PLPP3: variants seen among roughly 807,000 people sequenced by gnomAD.
The protein encoded by PLPP3 is PAP2 beta.
In PLPP3, 6 loss-of-function variants were observed where a neutral mutation model predicts 29.6. The observed-to-expected ratio is 0.20, with a 90% CI of 0.11 to 0.40. PLPP3 has a LOEUF of 0.40. Ranked by LOEUF, PLPP3 falls within the 10% of genes least tolerant of loss-of-function variation. The pLI is 1.00. For missense variants in PLPP3, 308 were observed against 407.7 expected (o/e 0.76, Z 2.11); for synonymous variants, 152 against 159.7 (o/e 0.95, Z 0.36).
intron 1 of PLPP3, among the ~76,000 whole-genome samples, chr1:56,560,642 T>C (rs893464816): frequency 6.6e-6 from 1 of 152,118 alleles, no homozygotes; most frequent in African/African-American, 2.4e-5. Flanking sequence ...CCTCATGACC[T>C]AATTACCTCT....
chr1:56,505,684 T>G (rs1374897516), intron 5 of PLPP3, among the ~76,000 whole-genome samples: 1 of 152,238 alleles, frequency 6.6e-6, no homozygotes, highest in Non-Finnish European at 1.5e-5. Context: ...TAGCTTACTT[T>G]ATTGTAAGAA....
intron 5 of PLPP3, among the ~76,000 whole-genome samples, chr1:56,509,364 G>A (rs1645724949): frequency 6.6e-6 from 1 of 152,174 alleles, no homozygotes; most frequent in Non-Finnish European, 1.5e-5. Context: ...CGGGTTAACT[G>A]CAGGGCCTTC....
intron 1 of PLPP3, among the ~76,000 whole-genome samples, chr1:56,540,725 G>A (rs1336400527): frequency 1.3e-5 from 2 of 152,100 alleles, no homozygotes; most frequent in Admixed American, 6.5e-5. Flanking sequence ...GGTGATGCCA[G>A]TCAAATCTTG....
At chr1:56,576,878 T>A (rs886069223) in intron 1 of PLPP3, among the ~76,000 whole-genome samples, 3 of 152,198 alleles carry the variant, frequency 2.0e-5, no homozygotes, top group Non-Finnish European at 4.4e-5. Context: ...GGTTTTTACA[T>A]CCCTGGCTAA....
chr1:56,578,013 A>G (rs929627800), intron 1 of PLPP3, among the ~76,000 whole-genome samples: 18 of 151,736 alleles, frequency 1.2e-4, no homozygotes, highest in African/African-American at 4.4e-4. Flanking sequence ...CCGAGTTCAT[A>G]AATCCTCCTC....
At chr1:56,544,383 C>G (rs1041152557) in intron 1 of PLPP3, among the ~76,000 whole-genome samples, 3 of 152,136 alleles carry the variant, frequency 2.0e-5, no homozygotes, top group Non-Finnish European at 4.4e-5. Context: ...TCTAGTGAAA[C>G]ACAACTACCA....
intron 4 of PLPP3, among the ~76,000 whole-genome samples, chr1:56,515,108 G>A (rs1389899678): frequency 6.6e-6 from 1 of 152,170 alleles, no homozygotes; most frequent in Non-Finnish European, 1.5e-5. Context: ...ATTTTAATCA[G>A]GAAAACCTCC....
chr1:56,506,118 C>A (rs977435011), intron 5 of PLPP3, among the ~76,000 whole-genome samples: 5 of 152,242 alleles, frequency 3.3e-5, no homozygotes, highest in Admixed American at 2.6e-4. Flanking sequence ...GCCCAGGCAG[C>A]CCTGGAGTAA....
intron 1 of PLPP3, among the ~76,000 whole-genome samples, chr1:56,553,550 C>A (rs1009456534): frequency 3.4e-4 from 52 of 152,302 alleles, no homozygotes; most frequent in African/African-American, 1.1e-3. Flanking sequence ...ATAAACACTG[C>A]CTGCTCTCCA....
Position 56,579,152 on chromosome 1 carries a change from G to C in PLPP3, c.-136C>G, listed in dbSNP as rs1476810155. Reference sequence around the variant, plus strand: ...GGTCGGCCCCGGCTCCGGGCGCGGCGGCTAGAGTGCAGCCGGGGCTGCCTG... The same window carrying C: ...GGTCGGCCCCGGCTCCGGGCGCGGCCGCTAGAGTGCAGCCGGGGCTGCCTG... On this transcript the variant is annotated 5_prime_UTR_variant, in exon 1 of 6. Transcript: ENST00000371250. 5.0e-6 allele frequency: 6 copies of C among 1,207,404 alleles called. No individual in the cohort carries two copies. In the African/African-American group the frequency reaches 8.1e-5, roughly 16 times the overall value. The allele number at this position is 1,207,404 out of a possible 1,614,324, so 74.8% of individuals were successfully genotyped here. A position where few individuals can be genotyped will look rare whatever the true frequency, so the allele number is the denominator to read the frequency against.
chr1:56,511,363 T>C (rs1645740083), intron 5 of PLPP3, among the ~76,000 whole-genome samples: 1 of 152,122 alleles, frequency 6.6e-6, no homozygotes, highest in Non-Finnish European at 1.5e-5. Context: ...CCCTAGGAAG[T>C]CTGTGACTCG....
At chr1:56,576,709 A>C (rs1646237859) in intron 1 of PLPP3, among the ~76,000 whole-genome samples, 1 of 152,214 alleles carries the variant, frequency 6.6e-6, no homozygotes, top group Non-Finnish European at 1.5e-5. Context: ...GTTCAAACAT[A>C]AGACCAACAG....
intron 1 of PLPP3, among the ~76,000 whole-genome samples, chr1:56,572,143 G>A (rs1646204262): frequency 1.5e-5 from 2 of 137,680 alleles, no homozygotes; most frequent in African/African-American, 5.4e-5. Context: ...TCTGCCAACT[G>A]GGTTCCAGCA....
chr1:56,555,433 T>TAAAAAAAAAAAAAAAAAAAA (rs66593221), intron 1 of PLPP3, among the ~76,000 whole-genome samples: 89 of 33,204 alleles, frequency 2.7e-3, no homozygotes, highest in African/African-American at 3.6e-3. Flanking sequence ...GGCCAAACAC[T>TAAAAAAAAAAAAAAAAAAAA]AAAAAAAAAA....
chr1:56,566,745 G>A (rs1178031922), intron 1 of PLPP3, among the ~76,000 whole-genome samples: 2 of 152,178 alleles, frequency 1.3e-5, no homozygotes, highest in African/African-American at 2.4e-5. Flanking sequence ...TGTAATATTT[G>A]AGGTTTAATT....
chr1:56,496,625 C>A lies in PLPP3; in HGVS notation c.862G>T (p.Ala288Ser). The A allele has an allele frequency of 1.9e-6, 3 of 1,613,844 alleles. No individual in the cohort carries two copies. The highest frequency in any genetic ancestry group is 2.5e-6 in the Non-Finnish European group (3 of 1,179,820). ...AGGATTTCCTTCCGGATAGCAGGGG[C>A]AGGCAGGGAGAGCGTCGTCTTAGTC... Reference protein sequence around the residue: ...FKTKTTLSLPAPAIRKEILSP... With the variant: ...FKTKTTLSLPSPAIRKEILSP... Residue 288 changes from alanine (A) to serine (S), a missense_variant, in exon 6 of 6, where the codon GCC (alanine) becomes TCC (serine). By Grantham distance (99) the Ala-to-Ser change is moderately conservative (BLOSUM62 1). This residue lies in a region of PLPP3 where 232 missense variants were observed against 317.2 expected (regional missense o/e 0.73). Transcript: ENST00000371250.
intron 2 of PLPP3, among the ~76,000 whole-genome samples, chr1:56,526,681 G>A (rs753953185): frequency 1.1e-4 from 17 of 152,124 alleles, no homozygotes; most frequent in Non-Finnish European, 2.4e-4. Flanking sequence ...GGGATAAATT[G>A]GTTTCTGCAT....
intron 5 of PLPP3, among the ~76,000 whole-genome samples, chr1:56,499,539 G>A (rs1021337980): frequency 6.6e-6 from 1 of 152,118 alleles, no homozygotes; most frequent in East Asian, 1.9e-4. Context: ...CAAGCACTCT[G>A]GCCTTGGACT....
intron 4 of PLPP3, among the ~76,000 whole-genome samples, chr1:56,522,756 T>C (rs974273264): frequency 3.3e-5 from 5 of 152,226 alleles, no homozygotes; most frequent in Non-Finnish European, 7.3e-5. Context: ...GAAATCAAAA[T>C]GTTCTTTTTT....
Sources: allele counts gnomAD v4.1 joint callset (sites outside exome capture counted in the v4.1 genomes callset), GRCh38; gene constraint gnomAD v4.1.1; regional missense constraint gnomAD v4.1.1; transcripts MANE v1.5; gene names NCBI Gene and HGNC (gene_info 2026-07-23, HGNC 2026-07-21).